DYNC1I1: variants seen among roughly 807,000 people sequenced by gnomAD.
DYNC1I1 encodes the protein dynein cytoplasmic 1 intermediate chain 1.
DYNC1I1 carries 43 observed loss-of-function variants against 86.6 expected under a neutral mutation model. That is an observed-to-expected ratio of 0.50 (90% CI 0.39 to 0.64). DYNC1I1 has a LOEUF of 0.64. Ranked by LOEUF, DYNC1I1 falls within the 30% of genes least tolerant of loss-of-function variation. The pLI is 0.00. For synonymous variants in DYNC1I1, 262 were observed against 283.7 expected (o/e 0.92, Z 0.77); for missense variants, 604 against 788.8 (o/e 0.77, Z 2.81).
At chr7:95,820,056 T>C (rs1335022053) in intron 4 of DYNC1I1, among the ~76,000 whole-genome samples, 2 of 152,226 alleles carry the variant, frequency 1.3e-5, no homozygotes, top group African/African-American at 2.4e-5. Flanking sequence ...GGACTTCCCA[T>C]GTGGCTTAGT....
chr7:95,947,612 G>T (rs534928346), intron 6 of DYNC1I1, among the ~76,000 whole-genome samples: 17 of 152,178 alleles, frequency 1.1e-4, no homozygotes, highest in Middle Eastern at 6.8e-3. Context: ...CCACCCATGG[G>T]AAATGCATGC....
At chr7:96,049,291 C>T (rs1365243867) in intron 14 of DYNC1I1, among the ~76,000 whole-genome samples, 2 of 149,184 alleles carry the variant, frequency 1.3e-5, no homozygotes, top group Non-Finnish European at 3.0e-5. Context: ...TTACTAATCA[C>T]ATTTTGCAGG....
chr7:95,819,385 T>A (rs1795024088), intron 4 of DYNC1I1, among the ~76,000 whole-genome samples: 1 of 152,034 alleles, frequency 6.6e-6, no homozygotes, highest in African/African-American at 2.4e-5. Context: ...GAAAGAAAAA[T>A]GTGTTCTGGG....
At chr7:96,093,207 A>C (rs1439850904) in intron 16 of DYNC1I1, among the ~76,000 whole-genome samples, 1 of 152,210 alleles carries the variant, frequency 6.6e-6, no homozygotes, top group African/African-American at 2.4e-5. Flanking sequence ...ATGACAATCC[A>C]TGATGAACTC....
At chr7:95,857,832 T>G (rs1189863484) in intron 5 of DYNC1I1, among the ~76,000 whole-genome samples, 1 of 152,218 alleles carries the variant, frequency 6.6e-6, no homozygotes, top group Non-Finnish European at 1.5e-5. Context: ...GACTCACCCA[T>G]CACTTTCACA....
At chr7:95,785,241 G>A (rs541436125) in intron 1 of DYNC1I1, among the ~76,000 whole-genome samples, 4 of 152,090 alleles carry the variant, frequency 2.6e-5, no homozygotes, top group South Asian at 4.2e-4. Context: ...GTAAAACCCC[G>A]TCTCTACCAA....
chr7:96,096,998 G>A (rs1210074380), intron 16 of DYNC1I1, among the ~76,000 whole-genome samples: 2 of 152,066 alleles, frequency 1.3e-5, no homozygotes, highest in African/African-American at 4.8e-5. Context: ...TATTTCATAG[G>A]AGGAATATTT....
At chr7:95,782,621 G>A (rs1015164121) in intron 1 of DYNC1I1, among the ~76,000 whole-genome samples, 3 of 152,314 alleles carry the variant, frequency 2.0e-5, no homozygotes, top group African/African-American at 4.8e-5. Context: ...GTTATTGTCC[G>A]TAGATGGCTA....
At chr7:95,775,958 C>T (rs1320100713) in intron 1 of DYNC1I1, among the ~76,000 whole-genome samples, 2 of 152,138 alleles carry the variant, frequency 1.3e-5, no homozygotes, top group Non-Finnish European at 2.9e-5. Flanking sequence ...AAAAGTTATT[C>T]CTCTTGACTG....
At chr7:95,958,432 G>GT (rs945167279) in intron 6 of DYNC1I1, among the ~76,000 whole-genome samples, 21 of 151,972 alleles carry the variant, frequency 1.4e-4, no homozygotes, top group Admixed American at 6.5e-5. Context: ...CTCTACAAAT[G>GT]TTTTTTTTAA....
At chr7:95,863,364 C>G (rs1417627127) in intron 5 of DYNC1I1, among the ~76,000 whole-genome samples, 1 of 152,024 alleles carries the variant, frequency 6.6e-6, no homozygotes. Context: ...TGGGGAGTGA[C>G]TGCCAGTAGG....
intron 4 of DYNC1I1, among the ~76,000 whole-genome samples, chr7:95,821,047 T>C (rs572058151): frequency 1.3e-5 from 2 of 152,370 alleles, no homozygotes; most frequent in African/African-American, 4.8e-5. Flanking sequence ...TGATTTATTA[T>C]TTCATTTTTT....
At chr7:95,980,541 T>G (rs78863188) in intron 7 of DYNC1I1, among the ~76,000 whole-genome samples, 1 of 145,776 alleles carries the variant, frequency 6.9e-6, no homozygotes, top group Admixed American at 7.1e-5. Context: ...TCTGGCTTTT[T>G]TTTTTTTTTT....
At chr7:95,912,238 T>C (rs1316413864) in intron 6 of DYNC1I1, among the ~76,000 whole-genome samples, 2 of 152,180 alleles carry the variant, frequency 1.3e-5, no homozygotes, top group Non-Finnish European at 2.9e-5. Context: ...GGTTTCACCA[T>C]GTTGGCCAGG....
chr7:96,089,520 A>G (rs1414786989), intron 16 of DYNC1I1, among the ~76,000 whole-genome samples: 1 of 152,150 alleles, frequency 6.6e-6, no homozygotes, highest in African/African-American at 2.4e-5. Context: ...AGAAAAGGAT[A>G]TTTAGAAAAT....
intron 10 of DYNC1I1, among the ~76,000 whole-genome samples, chr7:96,017,967 C>A (rs1794442062): frequency 6.6e-6 from 1 of 152,184 alleles, no homozygotes; most frequent in Admixed American, 6.5e-5. Flanking sequence ...CAGTTCCCAG[C>A]AGGAAGTACC....
intron 2 of DYNC1I1, among the ~76,000 whole-genome samples, chr7:95,807,984 T>A (rs1794741005): frequency 1.3e-5 from 2 of 151,924 alleles, no homozygotes; most frequent in South Asian, 4.2e-4. Context: ...CAAAAAGGAG[T>A]TATAGAATGA....
intron 6 of DYNC1I1, among the ~76,000 whole-genome samples, chr7:95,936,129 G>A (rs1346682732): frequency 6.6e-6 from 1 of 151,946 alleles, no homozygotes; most frequent in Admixed American, 6.6e-5. Context: ...TTAAATTCAA[G>A]AATGGTGTGT....
intron 6 of DYNC1I1, among the ~76,000 whole-genome samples, chr7:95,873,416 A>G (rs1430599528): frequency 1.3e-5 from 2 of 152,194 alleles, no homozygotes; most frequent in Non-Finnish European, 2.9e-5. Context: ...ATAGGTGCAA[A>G]TGTTGAACAT....
Sources: gnomAD v4.1 joint callset for allele counts (sites outside exome capture counted in the v4.1 genomes callset) on GRCh38, gnomAD v4.1.1 for gene constraint, MANE v1.5 for transcripts, NCBI Gene and HGNC (gene_info 2026-07-23, HGNC 2026-07-21) for gene names.